DLAT: variants seen among roughly 807,000 people sequenced by gnomAD.
The protein encoded by DLAT is dihydrolipoyllysine-residue acetyltransferase component of pyruvate dehydrogenase complex, mitochondrial.
Under a neutral mutation model 68.0 loss-of-function variants are expected in DLAT, and 43 were observed. That is an observed-to-expected ratio of 0.63 (90% CI 0.50 to 0.81). DLAT has a LOEUF of 0.81. Among genes scored for constraint, DLAT ranks in the 40% least tolerant of loss-of-function variants. DLAT has a pLI of 0.00. For synonymous variants in DLAT, 265 were observed against 288.6 expected (o/e 0.92, Z 0.83); for missense variants, 745 against 815.4 (o/e 0.91, Z 1.05).
In DLAT at chr11:112,045,148, C is replaced by G. The variant is rs1863240490; in HGVS notation, c.1208C>G (p.Ala403Gly). ...TCTTTCCTCCCATAGGCTCCGGCAG[C>G]TGTTGTGCCTCCCACAGGTCCTGGA... ...VPSKVAPAPA[A>G]VVPPTGPGMA... Residue 403 changes from alanine to glycine, a missense_variant, in exon 9 of 14, where the codon GCT (alanine) becomes GGT (glycine). Coordinates refer to ENST00000280346, the MANE Select transcript of DLAT (RefSeq NM_001931.5). The G allele has an allele frequency of 6.2e-7, 1 of 1,613,990 alleles. No individual in the cohort carries two copies. Among genetic ancestry groups the G allele is most frequent in the African/African-American group, 1.3e-5 (1 of 75,036 alleles).
At chr11:112,027,160 G>A (rs868907854) in intron 2 of DLAT, among the ~76,000 whole-genome samples, 20 of 150,414 alleles carry the variant, frequency 1.3e-4, no homozygotes, top group South Asian at 6.3e-4. Context: ...GCTGCCGGGC[G>A]GAGGGGCTCC....
intron 4 of DLAT, among the ~76,000 whole-genome samples, chr11:112,030,587 C>A (rs1442724849): frequency 1.3e-5 from 2 of 152,148 alleles, no homozygotes; most frequent in Non-Finnish European, 2.9e-5. Flanking sequence ...GTGTAAGATA[C>A]ACATATGTAA....
At chr11:112,034,567 C>T (rs1288567600) in intron 5 of DLAT, among the ~76,000 whole-genome samples, 2 of 151,742 alleles carry the variant, frequency 1.3e-5, no homozygotes, top group African/African-American at 4.8e-5. Flanking sequence ...CTCAGCCTCC[C>T]GAGTAGCTGG....
At chr11:112,061,406 A>G (rs1864614695) in intron 13 of DLAT, 2 of 514,038 alleles carry the variant, frequency 3.9e-6, no homozygotes, top group South Asian at 2.2e-5. Flanking sequence ...CTTCATTCAC[A>G]TGGATCCAGT....
intron 5 of DLAT, among the ~76,000 whole-genome samples, chr11:112,035,957 A>ATT (rs71060206): frequency 5.4e-5 from 8 of 147,638 alleles, no homozygotes; most frequent in Non-Finnish European, 1.0e-4. Context: ...TGCCTGGCTA[A>ATT]TTTTTGTATT....
chr11:112,026,304 G>GTTTTTT lies in DLAT; in HGVS notation c.381+17_381+22dup. ...GAAGGTGACCTAATTGCAGAGGTAA[G>GTTTTTT]TTTTTTTTTTTTTTTTTAATTAATT... On this transcript the variant is annotated splice_donor_region_variant and intron_variant, in intron 2 of 13. Transcript: ENST00000280346. 1 of 1,038,550 alleles carries GTTTTTT rather than the reference G, an allele frequency of 9.6e-7. No homozygotes were observed. The highest frequency in any genetic ancestry group is 1.7e-5 in the African/African-American group (1 of 57,184). The allele number at this position is 1,038,550 out of a possible 1,614,324, so 64.3% of individuals were successfully genotyped here.
Position 112,047,867 on chromosome 11 carries a change from G to A in DLAT, c.1398+1897G>A, listed in dbSNP as rs148100976. 8.6e-3 allele frequency among the ~76,000 whole-genome samples: 1,303 copies of A among 152,234 alleles called. 11 individuals are homozygous for A. Among genetic ancestry groups the A allele is most frequent in the Middle Eastern group, 0.017 (5 of 294 alleles). ...GTACCATGCTGTTTTGGTTACTGTA[G>A]CCTTATAGTATAGTTTGAAGTCAGG... is the stretch of plus-strand genomic sequence containing the variant. On this transcript the variant is annotated intron_variant, in intron 10 of 13. Coordinates refer to ENST00000280346, the MANE Select transcript of DLAT (RefSeq NM_001931.5).
intron 7 of DLAT, 57 bp downstream of exon 7, chr11:112,039,454 CCTT>C (rs1437799024): frequency 4.5e-6 from 7 of 1,569,472 alleles, no homozygotes; most frequent in Non-Finnish European, 6.1e-6. Flanking sequence ...TGAATTTCCT[CCTT>C]AAGACTTGCA....
At chr11:112,029,372 G>T (rs1555179767) in intron 4 of DLAT, among the ~76,000 whole-genome samples, 1 of 152,166 alleles carries the variant, frequency 6.6e-6, no homozygotes, top group Non-Finnish European at 1.5e-5. Context: ...TCTGCAGGCT[G>T]TACAAGAAGC....
At chr11:112,059,858 C>T in intron 11 of DLAT, 45 bp from the exon 12 acceptor site, 9 of 1,481,108 alleles carry the variant, frequency 6.1e-6, no homozygotes, top group Non-Finnish European at 8.2e-6. Flanking sequence ...CACACAGGCT[C>T]TTAATAAACA....
At chr11:112,040,623 A>G (rs1200880669) in intron 7 of DLAT, among the ~76,000 whole-genome samples, 5 of 152,166 alleles carry the variant, frequency 3.3e-5, no homozygotes, top group African/African-American at 1.2e-4. Context: ...CCAAGACACA[A>G]GAGTAGAATG....
rs1318184362 is a variant in DLAT, at chr11:112,064,292, C to G, written c.*1757C>G. 7.6e-7 allele frequency: 1 copy of G among 1,317,284 alleles called. No individual in the cohort carries two copies. The highest frequency in any genetic ancestry group is 2.7e-5 in the Admixed American group (1 of 37,060). 81.6% of individuals were successfully genotyped at this position (1,317,284 alleles called of 1,614,324 possible). ...GTTAAAAATTAATCTGAGCTATAATCTAAATCGATTCAGTCTCTTACCAGA... is the reference window on the plus strand; with the variant it reads ...GTTAAAAATTAATCTGAGCTATAATGTAAATCGATTCAGTCTCTTACCAGA... On this transcript the variant is annotated 3_prime_UTR_variant, in exon 14 of 14. Coordinates refer to ENST00000280346, the MANE Select transcript of DLAT (RefSeq NM_001931.5).
chr11:112,034,771 C>T (rs587763455), intron 5 of DLAT, among the ~76,000 whole-genome samples: 121 of 150,778 alleles, frequency 8.0e-4, no homozygotes, highest in Non-Finnish European at 1.4e-3. Flanking sequence ...TCTGCACCCC[C>T]GCTTTTTCTT....
chr11:112,058,297 A>G (rs1864239377), intron 11 of DLAT, among the ~76,000 whole-genome samples: 1 of 152,198 alleles, frequency 6.6e-6, no homozygotes. Flanking sequence ...GCTGTGTGAT[A>G]CCTTGGCTAC....
chr11:112,051,370 T>C lies in DLAT; in HGVS notation c.1514+21T>C, dbSNP rs1555181991. ...AGACAGTAAGTATAACTGGGGAAGA[T>C]ATATATCCATCGGTAGTTTTCTTGT... On this transcript the variant is annotated intron_variant, in intron 11 of 13. Coordinates refer to ENST00000280346, the MANE Select transcript of DLAT (RefSeq NM_001931.5). The surrounding 1 kb of genome is among the most constrained non-coding windows in gnomAD (Gnocchi z 4.3). 2 of 1,504,694 alleles carry C rather than the reference T, an allele frequency of 1.3e-6. No homozygotes were observed. The highest frequency in any genetic ancestry group is 1.1e-5 in the South Asian group (1 of 88,922). The allele number at this position is 1,504,694 out of a possible 1,614,324, so 93.2% of individuals were successfully genotyped here.
Position 112,043,486 on chromosome 11 carries a change from A to C in DLAT, c.1150A>C (p.Ile384Leu). Residue 384 changes from isoleucine to leucine, a missense_variant, in exon 8 of 14, where the codon ATC (isoleucine) becomes CTC (leucine). Ile to Leu is a conservative substitution (Grantham distance 5). Coordinates refer to ENST00000280346, the MANE Select transcript of DLAT (RefSeq NM_001931.5). ...TACAGGGACAGGACCAGATGGTAGAATCACCAAGAAGGATATCGACTCTTT... is the reference window on the plus strand; with the variant it reads ...TACAGGGACAGGACCAGATGGTAGACTCACCAAGAAGGATATCGACTCTTT... ...QVKGTGPDGR[I>L]TKKDIDSFVP... 6.2e-7 allele frequency: 1 copy of C among 1,614,152 alleles called. No homozygotes were observed. Among genetic ancestry groups the C allele is most frequent in the Non-Finnish European group, 8.5e-7 (1 of 1,179,994 alleles).
Position 112,025,715 on chromosome 11 carries a change from C to T in DLAT, c.243C>T (p.Pro81=), listed in dbSNP as rs782250446. The part of the protein sequence containing the change: ...NRLLLQLLGS[P]GRRYYSLPPH... ...TACTGCTGCAGCTTTTGGGGTCGCC[C>T]GGCCGCCGCTATTACAGTCTTCCCC... is the stretch of plus-strand genomic sequence containing the variant. The change falls in exon 1 of 14, where the codon CCC becomes CCT. Residue 81 remains proline, a synonymous_variant. Coordinates refer to ENST00000280346, the MANE Select transcript of DLAT (RefSeq NM_001931.5). 1.9e-6 allele frequency: 3 copies of T among 1,612,704 alleles called. No homozygotes were observed. Among genetic ancestry groups the T allele is most frequent in the South Asian group, 2.2e-5 (2 of 91,078 alleles).
intron 12 of DLAT, 93 bp downstream of exon 12, chr11:112,060,158 A>ATTTTT (rs782188808): frequency 6.5e-5 from 37 of 568,608 alleles, no homozygotes; most frequent in African/African-American, 2.5e-4. Context: ...CTGTCACGTA[A>ATTTTT]TTTTTTTTTT....
Position 112,051,170 on chromosome 11 carries a change from C to T in DLAT, c.1399-64C>T, listed in dbSNP as rs1379621029. Reference sequence around the variant, plus strand: ...AACCTGGACATTCTGCACATGCACCCTGAAACTTAAAATTAAAATTAAAAT... The same window carrying T: ...AACCTGGACATTCTGCACATGCACCTTGAAACTTAAAATTAAAATTAAAAT... On this transcript the variant is annotated intron_variant, in intron 10 of 13. Coordinates refer to ENST00000280346, the MANE Select transcript of DLAT (RefSeq NM_001931.5). This position sits in a 1 kb window ranked among gnomAD's most constrained non-coding sequence, Gnocchi z 4.3. 2.5e-6 allele frequency: 3 copies of T among 1,200,802 alleles called. No homozygotes were observed. Among genetic ancestry groups the T allele is most frequent in the Non-Finnish European group, 2.4e-6 (2 of 838,138 alleles). The allele number at this position is 1,200,802 out of a possible 1,614,324, so 74.4% of individuals were successfully genotyped here. A position where few individuals can be genotyped will look rare whatever the true frequency, so the allele number is the denominator to read the frequency against.
Sources: gnomAD v4.1 joint callset for allele counts (sites outside exome capture counted in the v4.1 genomes callset) on GRCh38, gnomAD v4.1.1 for gene constraint, Gnocchi (gnomAD v3.1) non-coding constraint, MANE v1.5 for transcripts, NCBI Gene and HGNC (gene_info 2026-07-23, HGNC 2026-07-21) for gene names.